The following TNR variants were observed in gnomAD, a reference collection of about 807,000 sequenced individuals.
TNR encodes the protein tenascin R.
In TNR, 45 loss-of-function variants were observed where a neutral mutation model predicts 150.4. The ratio of observed to expected loss-of-function variants is 0.30; its 90% confidence interval spans 0.24 to 0.38. The LOEUF is 0.38. TNR is among the 10% of genes least tolerant of loss of function. The pLI, the probability that TNR is intolerant of heterozygous loss-of-function variation, is 1.00. For missense variants in TNR, 1,544 were observed against 1,759.1 expected (o/e 0.88, Z 2.19); for synonymous variants, 687 against 678.4 (o/e 1.01, Z -0.20).
At chr1:175,347,170 A>G (rs538295365) in intron 18 of TNR, among the ~76,000 whole-genome samples, 1 of 152,250 alleles carries the variant, frequency 6.6e-6, no homozygotes, top group East Asian at 1.9e-4. Context: ...AGCTATTAAT[A>G]TAACTCACCT....
intron 1 of TNR, among the ~76,000 whole-genome samples, chr1:175,533,100 G>A (rs1432604038): frequency 6.6e-6 from 1 of 152,110 alleles, no homozygotes; most frequent in East Asian, 1.9e-4. Context: ...TAAAGACAAG[G>A]AAAAAGACAT....
At chr1:175,333,175 A>G (rs1416257814) in intron 20 of TNR, 1 of 152,142 alleles carries the variant, frequency 6.6e-6, no homozygotes, top group Non-Finnish European at 1.5e-5. Context: ...TTTTAATTGC[A>G]TTTATTTTTG....
At chr1:175,495,515 C>T (rs1308769837) in intron 2 of TNR, among the ~76,000 whole-genome samples, 2 of 152,186 alleles carry the variant, frequency 1.3e-5, no homozygotes, top group African/African-American at 4.8e-5. Context: ...CATGAGTGAG[C>T]ATGGGGCCCA....
At chr1:175,668,768 CT>C (rs1156251128) in intron 1 of TNR, among the ~76,000 whole-genome samples, 1 of 152,222 alleles carries the variant, frequency 6.6e-6, no homozygotes, top group African/African-American at 2.4e-5. Context: ...TTACCTTCCT[CT>C]TAAAATTGAA....
chr1:175,370,413 C>T (rs1652047427), intron 9 of TNR, among the ~76,000 whole-genome samples: 1 of 134,422 alleles, frequency 7.4e-6, no homozygotes, highest in Non-Finnish European at 1.5e-5. Context: ...CAGGCAAGTA[C>T]AGGCCGGTCC....
intron 1 of TNR, among the ~76,000 whole-genome samples, chr1:175,654,378 T>G (rs1329434434): frequency 3.3e-5 from 5 of 152,192 alleles, no homozygotes; most frequent in African/African-American, 1.2e-4. Context: ...CCCCCCTTCA[T>G]CTTGGAAAGA....
intron 1 of TNR, among the ~76,000 whole-genome samples, chr1:175,725,772 C>A (rs1667460562): frequency 6.6e-6 from 1 of 152,166 alleles, no homozygotes; most frequent in South Asian, 2.1e-4. Context: ...GTCAACAGAA[C>A]TTGGCGATGG....
intron 1 of TNR, among the ~76,000 whole-genome samples, chr1:175,650,233 AT>A (rs964679372): frequency 2.0e-5 from 3 of 152,038 alleles, no homozygotes; most frequent in Non-Finnish European, 2.9e-5. Context: ...AAATACAAAA[AT>A]TAGCTGAGTG....
intron 4 of TNR, among the ~76,000 whole-genome samples, chr1:175,399,238 C>T (rs1351243889): frequency 5.9e-5 from 9 of 152,188 alleles, no homozygotes; most frequent in Non-Finnish European, 1.0e-4. Context: ...CTATGCAGGA[C>T]TTCTGTCATA....
intron 18 of TNR, among the ~76,000 whole-genome samples, chr1:175,344,920 A>C (rs1294375103): frequency 6.6e-6 from 1 of 152,200 alleles, no homozygotes; most frequent in Admixed American, 6.5e-5. Context: ...CAGCCTTGCC[A>C]ACATGGTGAA....
intron 1 of TNR, among the ~76,000 whole-genome samples, chr1:175,591,725 C>T (rs1202200674): frequency 1.3e-5 from 2 of 152,210 alleles, no homozygotes; most frequent in Admixed American, 1.3e-4. Flanking sequence ...TGGCCAGTAA[C>T]AGGGCTGTTG....
intron 2 of TNR, among the ~76,000 whole-genome samples, chr1:175,497,718 G>A (rs914827294): frequency 6.6e-6 from 1 of 152,038 alleles, no homozygotes; most frequent in Non-Finnish European, 1.5e-5. Flanking sequence ...ACCATGAGTC[G>A]GTCCCTTGGA....
chr1:175,381,078 C>T (rs1196104113), intron 8 of TNR, among the ~76,000 whole-genome samples: 1 of 152,256 alleles, frequency 6.6e-6, no homozygotes, highest in African/African-American at 2.4e-5. Context: ...TTCTTCCTCA[C>T]TCACTGTACT....
intron 21 of TNR, among the ~76,000 whole-genome samples, chr1:175,328,009 G>A (rs1446137207): frequency 6.6e-6 from 1 of 152,234 alleles, no homozygotes; most frequent in African/African-American, 2.4e-5. Flanking sequence ...TCAGGAGGCT[G>A]AGGCAGTAGA....
chr1:175,734,467 CAG>C (rs1667721160), intron 1 of TNR, among the ~76,000 whole-genome samples: 1 of 152,180 alleles, frequency 6.6e-6, no homozygotes, highest in South Asian at 2.1e-4. Flanking sequence ...TCTTGTTGGG[CAG>C]AGTTTCATCG....
intron 2 of TNR, among the ~76,000 whole-genome samples, chr1:175,475,280 C>A (rs1285676353): frequency 6.6e-6 from 1 of 152,196 alleles, no homozygotes. Flanking sequence ...TTACACCTTT[C>A]TGCCAAAGTA....
intron 1 of TNR, among the ~76,000 whole-genome samples, chr1:175,598,567 T>C (rs2101844499): frequency 6.6e-6 from 1 of 152,346 alleles, no homozygotes. Context: ...CAGTATGCTG[T>C]ATAAACAGAA....
At chr1:175,710,902 G>A (rs1666992665) in intron 1 of TNR, among the ~76,000 whole-genome samples, 2 of 152,052 alleles carry the variant, frequency 1.3e-5, no homozygotes, top group South Asian at 4.1e-4. Context: ...CCTTCCATAC[G>A]ATGGGCTAGC....
intron 1 of TNR, among the ~76,000 whole-genome samples, chr1:175,674,708 G>A (rs1181234862): frequency 3.9e-5 from 6 of 152,088 alleles, no homozygotes; most frequent in Admixed American, 1.3e-4. Context: ...ATGTCCTAGC[G>A]CCAGGCCAGG....
Sources: allele counts gnomAD v4.1 joint callset (sites outside exome capture counted in the v4.1 genomes callset), GRCh38; gene constraint gnomAD v4.1.1; transcripts MANE v1.5; gene names NCBI Gene and HGNC (gene_info 2026-07-23, HGNC 2026-07-21).